Variants in CFAP54 observed in about 807,000 individuals in gnomAD.
The protein encoded by CFAP54 is cilia- and flagella-associated protein 54.
In CFAP54, 290 loss-of-function variants were observed where a neutral mutation model predicts 370.4. That is an observed-to-expected ratio of 0.78 (90% CI 0.71 to 0.86). The LOEUF (loss-of-function observed/expected upper bound fraction) is 0.86. Among genes scored for constraint, CFAP54 ranks in the 40% least tolerant of loss-of-function variants. The probability of loss-of-function intolerance (pLI) is 0.00; values close to 1 mark genes in which losing one functional copy is unlikely to be tolerated. For synonymous variants in CFAP54, 1,206 were observed against 1,236.5 expected (o/e 0.98, Z 0.52); for missense variants, 3,399 against 3,528.7 (o/e 0.96, Z 0.93).
intron 64 of CFAP54, 65 bp downstream of exon 64, chr12:96,811,907 A>T: frequency 3.1e-6 from 3 of 972,644 alleles, no homozygotes; most frequent in African/African-American, 1.7e-5. Context: ...AGACTCTTTC[A>T]GTAATTGGCA....
chr12:96,535,008 C>CTGTGTGTGTGTGTGTGTGTGTG (rs4018882), intron 11 of CFAP54, among the ~76,000 whole-genome samples: 1 of 137,338 alleles, frequency 7.3e-6, no homozygotes, highest in African/African-American at 2.8e-5. Flanking sequence ...GTTTTCTTTT[C>CTGTGTGTGTGTGTGTGTGTGTG]TGTGTGTGTG....
intron 39 of CFAP54, among the ~76,000 whole-genome samples, chr12:96,666,284 A>G (rs975268867): frequency 2.6e-5 from 4 of 152,172 alleles, no homozygotes; most frequent in Non-Finnish European, 5.9e-5. Context: ...TTCCATAATC[A>G]ATATAGATTA....
intron 60 of CFAP54, among the ~76,000 whole-genome samples, chr12:96,781,954 GTTTGAC>G (rs1355257209): frequency 6.6e-6 from 1 of 152,054 alleles, no homozygotes; most frequent in Non-Finnish European, 1.5e-5. Flanking sequence ...TTATGTTAAT[GTTTGAC>G]TTTGATCAAA....
rs1317278647 is a variant in CFAP54, at chr12:96,685,081, GA to G, written c.5858del (p.Asp1953AlafsTer51). On this transcript the variant is annotated frameshift_variant, in exon 42 of 68. Transcript: ENST00000524981. LOFTEE classifies it high-confidence loss of function. ...TCTTGATGACATATTCAGAAAACCA[GA>G]CGTGCTACACACGTGGAAAGAATTT... is the stretch of plus-strand genomic sequence containing the variant. Reference protein sequence around the residue: ...QALDDIFRKPDVLHTWKEFGP... With the variant: ...QALDDIFRKPXVLHTWKEFGP... 6.2e-7 allele frequency: 1 copy of G among 1,613,988 alleles called. No homozygotes were observed. The highest frequency in any genetic ancestry group is 8.5e-7 in the Non-Finnish European group (1 of 1,180,010).
At chr12:96,566,436 G>T (rs1285660729) in intron 19 of CFAP54, among the ~76,000 whole-genome samples, 5 of 152,104 alleles carry the variant, frequency 3.3e-5, no homozygotes, top group Admixed American at 3.3e-4. Context: ...CTGATGTGGT[G>T]TTCTTAATGA....
intron 62 of CFAP54, among the ~76,000 whole-genome samples, chr12:96,791,517 A>G (rs1229566045): frequency 6.6e-6 from 1 of 152,228 alleles, no homozygotes; most frequent in African/African-American, 2.4e-5. Context: ...CTTACAAATC[A>G]GCCACATTCA....
intron 60 of CFAP54, among the ~76,000 whole-genome samples, chr12:96,772,788 T>A (rs1226637963): frequency 2.0e-5 from 3 of 152,010 alleles, no homozygotes. Flanking sequence ...CCCGGCTAAT[T>A]TTTGTATTTT....
intron 5 of CFAP54, among the ~76,000 whole-genome samples, chr12:96,515,822 G>A (rs181154753): frequency 3.3e-5 from 5 of 151,312 alleles, no homozygotes; most frequent in Middle Eastern, 3.5e-3. Flanking sequence ...AATGCCTACC[G>A]TCATCAAGTA....
intron 39 of CFAP54, among the ~76,000 whole-genome samples, chr12:96,672,702 G>A (rs534493507): frequency 2.0e-5 from 3 of 152,300 alleles, no homozygotes; most frequent in Admixed American, 1.3e-4. Flanking sequence ...TATTGAGCTT[G>A]TCTGTGAAAC....
At chr12:96,622,157 A>ACGGG (rs1010340047) in intron 27 of CFAP54, among the ~76,000 whole-genome samples, 15 of 152,002 alleles carry the variant, frequency 9.9e-5, no homozygotes, top group Middle Eastern at 6.8e-3. Context: ...TCTTTGTGAC[A>ACGGG]CCCGTGTTCT....
chr12:96,642,049 G>A (rs1000348901), intron 32 of CFAP54, among the ~76,000 whole-genome samples: 3 of 151,432 alleles, frequency 2.0e-5, no homozygotes, highest in Non-Finnish European at 2.9e-5. Flanking sequence ...TGCACGTTGT[G>A]CACATTTACC....
At chr12:96,610,214 G>T (rs1485177999) in intron 26 of CFAP54, among the ~76,000 whole-genome samples, 1 of 152,238 alleles carries the variant, frequency 6.6e-6, no homozygotes, top group African/African-American at 2.4e-5. Context: ...AAATGATAGT[G>T]TGTTATAATA....
intron 4 of CFAP54, 139 bp downstream of exon 4, chr12:96,507,238 G>A (rs774272179): frequency 1.1e-4 from 80 of 702,506 alleles, no homozygotes; most frequent in Non-Finnish European, 1.5e-4. Context: ...TTCAACATTC[G>A]TGTGACATGT....
At chr12:96,719,832 G>A (rs1237640832) in intron 49 of CFAP54, among the ~76,000 whole-genome samples, 2 of 152,212 alleles carry the variant, frequency 1.3e-5, no homozygotes, top group Non-Finnish European at 2.9e-5. Context: ...GTGCTGAAGT[G>A]CTGTGGAGCA....
intron 32 of CFAP54, among the ~76,000 whole-genome samples, chr12:96,639,598 A>T (rs1024712529): frequency 3.9e-5 from 6 of 152,254 alleles, no homozygotes; most frequent in Admixed American, 6.5e-5. Context: ...CATCATCCTG[A>T]TACCAAAGCT....
At chr12:96,516,409 G>A (rs189096724) in intron 5 of CFAP54, among the ~76,000 whole-genome samples, 1 of 152,106 alleles carries the variant, frequency 6.6e-6, no homozygotes, top group Admixed American at 6.6e-5. Flanking sequence ...CTCAAATGGA[G>A]AAGCTGCAGG....
At chr12:96,834,229 G>A (rs774851475) in intron 66 of CFAP54, among the ~76,000 whole-genome samples, 1 of 152,234 alleles carries the variant, frequency 6.6e-6, no homozygotes, top group East Asian at 1.9e-4. Flanking sequence ...ACACAGTCAT[G>A]GGAGGGTGTT....
chr12:96,729,133 G>A (rs921347491), intron 50 of CFAP54, among the ~76,000 whole-genome samples: 1 of 151,900 alleles, frequency 6.6e-6, no homozygotes, highest in South Asian at 2.1e-4. Flanking sequence ...CAGGGGTCGG[G>A]GACCCACTTG....
chr12:96,801,970 A>G (rs1183737034), intron 63 of CFAP54, among the ~76,000 whole-genome samples: 1 of 152,106 alleles, frequency 6.6e-6, no homozygotes, highest in Non-Finnish European at 1.5e-5. Flanking sequence ...TGTGAAACTG[A>G]GAAGTGAGCG....
Sources: allele counts gnomAD v4.1 joint callset (sites outside exome capture counted in the v4.1 genomes callset), GRCh38; gene constraint gnomAD v4.1.1; transcripts MANE v1.5; gene names NCBI Gene and HGNC (gene_info 2026-07-23, HGNC 2026-07-21).